Variants in PRKG1 observed in about 807,000 individuals in gnomAD.
PRKG1 encodes the protein protein kinase cGMP-dependent 1.
In PRKG1, 35 loss-of-function variants were observed where a neutral mutation model predicts 88.1. That is an observed-to-expected ratio of 0.40 (90% CI 0.30 to 0.53). PRKG1 has a LOEUF of 0.53. Ranked by LOEUF, PRKG1 falls within the 20% of genes least tolerant of loss-of-function variation. The pLI is 0.59. For missense variants in PRKG1, 540 were observed against 839.8 expected, an observed-to-expected ratio of 0.64 and a Z score of 4.41; for synonymous variants, 303 against 292.5, an observed-to-expected ratio of 1.04 and a Z score of -0.37.
intron 1 of PRKG1, among the ~76,000 whole-genome samples, chr10:51,008,671 A>T (rs1213928966): frequency 6.6e-6 from 1 of 152,142 alleles, no homozygotes; most frequent in Non-Finnish European, 1.5e-5. Context: ...TGTCGTCTTG[A>T]TTACATCTAT....
chr10:51,093,060 TC>T (rs1844436976), intron 1 of PRKG1, among the ~76,000 whole-genome samples: 1 of 152,172 alleles, frequency 6.6e-6, no homozygotes, highest in Admixed American at 6.6e-5. Flanking sequence ...TGATACTGTT[TC>T]CTTGTGTTTT....
intron 5 of PRKG1, among the ~76,000 whole-genome samples, chr10:52,026,269 T>C (rs552127924): frequency 2.6e-5 from 4 of 152,342 alleles, no homozygotes; most frequent in African/African-American, 9.6e-5. Flanking sequence ...TAGATTATAA[T>C]GTTTGATAAT....
intron 3 of PRKG1, among the ~76,000 whole-genome samples, chr10:51,507,786 C>A (rs190661067): frequency 6.6e-6 from 1 of 152,214 alleles, no homozygotes. Context: ...AAGGCTAGAG[C>A]TCTTTCAATT....
At chr10:51,165,558 A>G (rs1289763485) in intron 2 of PRKG1, among the ~76,000 whole-genome samples, 1 of 152,156 alleles carries the variant, frequency 6.6e-6, no homozygotes, top group African/African-American at 2.4e-5. Flanking sequence ...TTAACTTTAA[A>G]TGTAAATGGA....
At chr10:51,699,633 G>A (rs560657418) in intron 3 of PRKG1, 3 of 1,489,452 alleles carry the variant, frequency 2.0e-6, no homozygotes, top group Admixed American at 2.2e-5. Context: ...AGCAACGGAA[G>A]CGGCTTTCAA....
intron 5 of PRKG1, among the ~76,000 whole-genome samples, chr10:51,918,078 A>G (rs1937679): frequency 0.13 from 20,101 of 152,216 alleles, 1,547 homozygotes; most frequent in Admixed American, 0.17. Context: ...ATCCCATCTG[A>G]GTAATAACAA....
intron 3 of PRKG1, among the ~76,000 whole-genome samples, chr10:51,479,469 A>C (rs1053169981): frequency 1.3e-5 from 2 of 151,988 alleles, no homozygotes; most frequent in Admixed American, 6.6e-5. Flanking sequence ...TGTTTTTCTT[A>C]AGGTTTTATT....
At chr10:51,570,534 A>C (rs895604426) in intron 3 of PRKG1, among the ~76,000 whole-genome samples, 1 of 151,938 alleles carries the variant, frequency 6.6e-6, no homozygotes, top group African/African-American at 2.4e-5. Context: ...AAGAAAATCC[A>C]TGAATAAATG....
intron 2 of PRKG1, among the ~76,000 whole-genome samples, chr10:51,163,930 G>C (rs945116688): frequency 6.6e-6 from 1 of 152,204 alleles, no homozygotes; most frequent in Non-Finnish European, 1.5e-5. Context: ...AGCTCAAGGA[G>C]GCCTGCCTGC....
At chr10:52,062,491 T>C (rs747865944) in intron 6 of PRKG1, 46 bp from the exon 7 acceptor site, 2 of 1,226,470 alleles carry the variant, frequency 1.6e-6, no homozygotes, top group South Asian at 3.0e-5. Context: ...CCTTTGTCCA[T>C]TGTGGGTAAG....
intron 2 of PRKG1, among the ~76,000 whole-genome samples, chr10:51,351,875 G>A (rs1842255974): frequency 6.6e-6 from 1 of 152,070 alleles, no homozygotes; most frequent in Admixed American, 6.6e-5. Flanking sequence ...TATGGTTTTA[G>A]GTTTTACATT....
rs189311699 is a variant in PRKG1, at chr10:51,766,681, A to T, written c.593-37904A>T. Among the ~76,000 whole-genome samples, 5 of 152,158 alleles carry T rather than the reference A, an allele frequency of 3.3e-5. No homozygotes were observed. The East Asian group carries it at 9.7e-4, about 29-fold the overall frequency. Reference sequence around the variant, plus strand: ...GGGGTCTCTTCCTATAAGAACACTGATCCTATCATGAGGGCTTCACCTTCA... The same window carrying T: ...GGGGTCTCTTCCTATAAGAACACTGTTCCTATCATGAGGGCTTCACCTTCA... On this transcript the variant is annotated intron_variant, in intron 3 of 17. Coordinates refer to ENST00000373980, the MANE Select transcript of PRKG1 (RefSeq NM_006258.4).
At chr10:52,112,723 A>G (rs1199678799) in intron 7 of PRKG1, among the ~76,000 whole-genome samples, 1 of 152,142 alleles carries the variant, frequency 6.6e-6, no homozygotes, top group Non-Finnish European at 1.5e-5. Context: ...ACAGAATTTG[A>G]TTGGCCAGCT....
chr10:51,358,522 A>G (rs1297253738), intron 2 of PRKG1, among the ~76,000 whole-genome samples: 1 of 151,972 alleles, frequency 6.6e-6, no homozygotes, highest in African/African-American at 2.4e-5. Flanking sequence ...ATAGTCTGCT[A>G]CAACTGGCAA....
At chr10:51,769,326 G>A (rs554292550) in intron 3 of PRKG1, among the ~76,000 whole-genome samples, 36 of 152,272 alleles carry the variant, frequency 2.4e-4, no homozygotes, top group Admixed American at 2.1e-3. Context: ...CAGCTGTCTA[G>A]CCTACTACAA....
At position 52,253,148 on chromosome 10, in the gene PRKG1, CAG is replaced by C. The variant is rs1283877850; in HGVS notation, c.1173+1487_1173+1488del. ...AAGCAGTATAAGGGACAGAATTTCT[CAG>C]AGAGTGATTGTAGGACTGTTATAGG... On this transcript the variant is annotated intron_variant, in intron 10 of 17. Coordinates refer to ENST00000373980, the MANE Select transcript of PRKG1 (RefSeq NM_006258.4). Among the ~76,000 whole-genome samples, 5 of 151,932 alleles carry C rather than the reference CAG, an allele frequency of 3.3e-5. No homozygotes were observed. In the East Asian group the frequency reaches 9.7e-4, roughly 29 times the overall value.
At chr10:51,186,982 A>G (rs1045868660) in intron 2 of PRKG1, among the ~76,000 whole-genome samples, 3 of 144,660 alleles carry the variant, frequency 2.1e-5, no homozygotes, top group African/African-American at 7.6e-5. Context: ...ATATATATAT[A>G]TGTATATATA....
At chr10:51,319,061 TAC>T (rs1475058488) in intron 2 of PRKG1, among the ~76,000 whole-genome samples, 1 of 152,256 alleles carries the variant, frequency 6.6e-6, no homozygotes, top group Non-Finnish European at 1.5e-5. Flanking sequence ...TGTTAAAATA[TAC>T]AGTCTCAAAT....
intron 4 of PRKG1, among the ~76,000 whole-genome samples, chr10:51,831,597 T>TCATA: frequency 6.6e-6 from 1 of 152,304 alleles, no homozygotes; most frequent in East Asian, 1.9e-4. Context: ...CCCAAGTTAC[T>TCATA]CATAGTTCAC....
Sources: allele counts gnomAD v4.1 joint callset (sites outside exome capture counted in the v4.1 genomes callset), GRCh38; gene constraint gnomAD v4.1.1; transcripts MANE v1.5; gene names NCBI Gene and HGNC (gene_info 2026-07-23, HGNC 2026-07-21).